Variants in FOXP2 observed in about 807,000 individuals in gnomAD.
FOXP2 encodes forkhead box P2.
FOXP2 carries 12 observed loss-of-function variants against 115.8 expected under a neutral mutation model. The ratio of observed to expected loss-of-function variants is 0.10; its 90% CI spans 0.07 to 0.17. The LOEUF (loss-of-function observed/expected upper bound fraction) is 0.17. Among genes scored for constraint, FOXP2 ranks in the 10% least tolerant of loss-of-function variants. The probability of loss-of-function intolerance (pLI) is 1.00; values close to 1 mark genes in which losing one functional copy is unlikely to be tolerated. For synonymous variants in FOXP2, 328 were observed against 297.7 expected, an observed-to-expected ratio of 1.10 and a Z score of -1.05; for missense variants, 629 against 843.5, an observed-to-expected ratio of 0.75 and a Z score of 3.15.
chr7:114,675,178 C>CA (rs1401829516), intron 16 of FOXP2, among the ~76,000 whole-genome samples: 5 of 151,834 alleles, frequency 3.3e-5, no homozygotes, highest in Admixed American at 1.3e-4. Context: ...CATCAAATTC[C>CA]AAAAATAATT....
intron 1 of FOXP2, among the ~76,000 whole-genome samples, chr7:114,102,291 A>T (rs2129140841): frequency 6.6e-6 from 1 of 152,052 alleles, no homozygotes; most frequent in African/African-American, 2.4e-5. Flanking sequence ...ATTTCAATAG[A>T]TGAGGTGTCC....
At chr7:114,399,222 C>T (rs72603565) in intron 2 of FOXP2, among the ~76,000 whole-genome samples, 10,637 of 151,552 alleles carry the variant, frequency 0.07, 655 homozygotes, top group East Asian at 0.34. Flanking sequence ...ATTCTCCTGA[C>T]TCAGCCTCCC....
intron 1 of FOXP2, among the ~76,000 whole-genome samples, chr7:114,093,894 AT>A (rs1247438809): frequency 8.5e-5 from 13 of 152,150 alleles, no homozygotes; most frequent in Admixed American, 5.9e-4. Context: ...ATATAATAAT[AT>A]TTACCGAAAG....
intron 3 of FOXP2, among the ~76,000 whole-genome samples, chr7:114,568,600 C>A (rs1050039039): frequency 6.6e-6 from 1 of 151,768 alleles, no homozygotes; most frequent in African/African-American, 2.4e-5. Flanking sequence ...AAATGGGGAA[C>A]ATTCTCACGG....
At chr7:114,319,980 G>T (rs1171533277) in intron 2 of FOXP2, among the ~76,000 whole-genome samples, 2 of 152,102 alleles carry the variant, frequency 1.3e-5, no homozygotes, top group East Asian at 1.9e-4. Context: ...TCTACTCATT[G>T]TTTCCATCAC....
rs556696736 is a variant in FOXP2, at chr7:114,237,398, TA to T, written c.-101-50617del. On this transcript the variant is annotated intron_variant, in intron 1 of 17. Transcript: ENST00000634411. ...CTCTAATTCTCAGTTTCTTCAGGCA[TA>T]AAATGGGAATAGCACATTTGGGACA... Among the ~76,000 whole-genome samples, 4 of 152,336 alleles carry T rather than the reference TA, an allele frequency of 2.6e-5. No individual in the cohort carries two copies. The South Asian group carries it at 8.3e-4, about 32-fold the overall frequency.
At chr7:114,157,360 T>C (rs1792698737) in intron 1 of FOXP2, among the ~76,000 whole-genome samples, 1 of 152,078 alleles carries the variant, frequency 6.6e-6, no homozygotes, top group Non-Finnish European at 1.5e-5. Context: ...GGGGAGTATT[T>C]CATGGAGTTA....
At chr7:114,349,788 G>A (rs534416599) in intron 2 of FOXP2, among the ~76,000 whole-genome samples, 1 of 152,120 alleles carries the variant, frequency 6.6e-6, no homozygotes, top group Non-Finnish European at 1.5e-5. Flanking sequence ...TACTGGTGTG[G>A]ATAGGGTTTA....
Position 114,629,792 on chromosome 7 carries a change from A to T in FOXP2, c.397-13A>T. 1 of 1,613,898 alleles carries T rather than the reference A, an allele frequency of 6.2e-7. No individual in the cohort carries two copies. The highest frequency in any genetic ancestry group is 8.5e-7 in the Non-Finnish European group (1 of 1,179,984). Reference sequence around the variant, plus strand: ...TTTGCCTTTATTTATTAAAGTCAAAATGGTTTATTCAGCAACAACTACAAG... The same window carrying T: ...TTTGCCTTTATTTATTAAAGTCAAATTGGTTTATTCAGCAACAACTACAAG... On this transcript the variant is annotated splice_polypyrimidine_tract_variant and intron_variant, in intron 4 of 16. Coordinates refer to ENST00000350908, the MANE Select transcript of FOXP2 (RefSeq NM_014491.4).
chr7:114,585,107 C>G (rs1802065654), intron 3 of FOXP2, among the ~76,000 whole-genome samples: 1 of 152,142 alleles, frequency 6.6e-6, no homozygotes, highest in Non-Finnish European at 1.5e-5. Context: ...CATGTCTCAT[C>G]AAATGGTAGT....
chr7:114,317,252 T>G (rs535344471), intron 2 of FOXP2, among the ~76,000 whole-genome samples: 1 of 152,302 alleles, frequency 6.6e-6, no homozygotes, highest in African/African-American at 2.4e-5. Flanking sequence ...AGACAGTCAC[T>G]GGAGCTATAA....
chr7:114,545,098 C>T (rs1289626416), intron 3 of FOXP2, among the ~76,000 whole-genome samples: 1 of 152,166 alleles, frequency 6.6e-6, no homozygotes, highest in Non-Finnish European at 1.5e-5. Flanking sequence ...GCTTACAATA[C>T]AGCTGGCCTA....
intron 1 of FOXP2, among the ~76,000 whole-genome samples, chr7:114,252,304 C>T (rs564127366): frequency 5.3e-5 from 8 of 152,134 alleles, no homozygotes; most frequent in African/African-American, 1.9e-4. Context: ...ATGCTTGCCT[C>T]ATAAAATGAC....
At chr7:114,512,063 AT>A (rs755402976) in intron 2 of FOXP2, among the ~76,000 whole-genome samples, 30 of 152,068 alleles carry the variant, frequency 2.0e-4, no homozygotes, top group Non-Finnish European at 3.8e-4. Flanking sequence ...TAAGAGTTTG[AT>A]TTTGTTTTTG....
At chr7:114,553,329 A>G (rs1017236390) in intron 3 of FOXP2, among the ~76,000 whole-genome samples, 2 of 152,148 alleles carry the variant, frequency 1.3e-5, no homozygotes, top group African/African-American at 2.4e-5. Flanking sequence ...GTAAACTTCA[A>G]TTATTTTGTT....
At chr7:114,276,645 A>G (rs1391227669) in intron 1 of FOXP2, among the ~76,000 whole-genome samples, 1 of 152,132 alleles carries the variant, frequency 6.6e-6, no homozygotes, top group Non-Finnish European at 1.5e-5. Flanking sequence ...CAAGGCATCA[A>G]TTACAGCTCA....
rs1792693306 is a variant in FOXP2, at chr7:114,157,158, T to TGTTAAGTTA, written c.-246-5786_-246-5785insGTTAAGTTA. Among the ~76,000 whole-genome samples the TGTTAAGTTA allele has an allele frequency of 2.0e-5, 3 of 152,134 alleles. No individual in the cohort carries two copies. The South Asian group carries it at 6.2e-4, about 31-fold the overall frequency. On this transcript the variant is annotated intron_variant, in intron 1 of 19. Coordinates refer to the FOXP2 transcript ENST00000635638. ...CTTGTCAAATGACTCAGTAATTTCT[T>TGTTAAGTTA]CATAATAAAGTTACATTGTTAAGAA...
intron 3 of FOXP2, among the ~76,000 whole-genome samples, chr7:114,577,331 C>T (rs1330297574): frequency 6.6e-6 from 1 of 151,888 alleles, no homozygotes; most frequent in Non-Finnish European, 1.5e-5. Context: ...TGTACTTTAA[C>T]AATGGCGTTC....
intron 3 of FOXP2, among the ~76,000 whole-genome samples, chr7:114,535,536 C>A (rs1386862020): frequency 2.0e-5 from 3 of 151,208 alleles, no homozygotes; most frequent in Non-Finnish European, 4.4e-5. Context: ...ACAAAAAAAA[C>A]AAAACAAAAC....
Sources: allele counts gnomAD v4.1 joint callset (sites outside exome capture counted in the v4.1 genomes callset), GRCh38; gene constraint gnomAD v4.1.1; transcripts MANE v1.5; gene names NCBI Gene and HGNC (gene_info 2026-07-23, HGNC 2026-07-21).